IL32: variants seen among roughly 807,000 people sequenced by gnomAD.
The protein encoded by IL32 is interleukin 32.
Under a neutral mutation model 16.6 loss-of-function variants are expected in IL32, and 30 were observed. The observed-to-expected ratio is 1.81, with a 90% CI of 1.35 to 2.45. The LOEUF (loss-of-function observed/expected upper bound fraction) is 2.45. Among genes scored for constraint, IL32 ranks in the 30% most tolerant of loss-of-function variants. The probability of loss-of-function intolerance (pLI) is 0.00; values close to 1 mark genes in which losing one functional copy is unlikely to be tolerated. For missense variants in IL32, 234 were observed against 229.8 expected (o/e 1.02, Z -0.12); for synonymous variants, 70 against 86.1 (o/e 0.81, Z 1.03).
intron 6 of IL32, 185 bp downstream of exon 6, chr16:3,068,424 G>T (rs948109395): frequency 2.6e-5 from 16 of 609,820 alleles, no homozygotes; most frequent in Non-Finnish European, 4.3e-5. Flanking sequence ...TCCTGCCTCA[G>T]CCTGACAAGT....
At chr16:3,065,415 C>T (rs1218475488), upstream of IL32, 1 of 276,854 alleles carries the variant, frequency 3.6e-6, no homozygotes. Flanking sequence ...AGACTCCCAC[C>T]CCAGCTCAGA....
In IL32 at chr16:3,068,429, A is replaced by G. The variant is rs533742045; in HGVS notation, c.201+190A>G. On this transcript the variant is annotated intron_variant, in intron 6 of 6. Transcript: ENST00000525643. ...TAAGTGATTCTCCTGCCTCAGCCTG[A>G]CAAGTAGTTGGGACTACAGGCACCC... 2.7e-5 allele frequency: 16 copies of G among 601,884 alleles called. No individual in the cohort carries two copies. The East Asian group carries it at 4.6e-4, about 17-fold the overall frequency. 37.3% of individuals were successfully genotyped at this position (601,884 alleles called of 1,614,324 possible). A position where few individuals can be genotyped will look rare whatever the true frequency, so the allele number is the denominator to read the frequency against.
rs775458799 is a variant in IL32, at chr16:3,065,777, C to T, written c.-28-7C>T. ...TTCTTTTCCTCACACCTGTTCCTCG[C>T]CAGCAGGCCTTGGCTCCTTGAACTT... On this transcript the variant is annotated splice_region_variant and splice_polypyrimidine_tract_variant and intron_variant, in intron 1 of 6. Transcript: ENST00000525643. 1 of 1,614,048 alleles carries T rather than the reference C, an allele frequency of 6.2e-7. No homozygotes were observed. The highest frequency in any genetic ancestry group is 1.1e-5 in the South Asian group (1 of 91,082).
chr16:3,066,713 T>C (rs1956350167), intron 2 of IL32, among the ~76,000 whole-genome samples: 1 of 152,254 alleles, frequency 6.6e-6, no homozygotes, highest in Non-Finnish European at 1.5e-5. Flanking sequence ...GCACCCCAAA[T>C]ATTAATCAGC....
At position 3,066,143 on chromosome 16, in the gene IL32, G is replaced by C. The variant is rs565485104; in HGVS notation, c.15+317G>C. On this transcript the variant is annotated intron_variant, in intron 2 of 6. Transcript: ENST00000525643. ...TCGGAGAATGCTTCTCTCAGAGGCC[G>C]GCTCAGCTGGGTGGGCCCAAGAGCA... Among the ~76,000 whole-genome samples, 5 of 152,294 alleles carry C rather than the reference G, an allele frequency of 3.3e-5. No homozygotes were observed. The East Asian group carries it at 7.7e-4, about 24-fold the overall frequency.
chr16:3,066,020 C>T (rs531419740), intron 2 of IL32, among the ~76,000 whole-genome samples, 194 bp downstream of exon 2: 22 of 152,098 alleles, frequency 1.4e-4, no homozygotes, highest in Non-Finnish European at 2.4e-4. Context: ...CGCTGGAGAA[C>T]GGCAGGGGTG....
rs747430360 is a variant in IL32 at position 3,067,605 on chromosome 16, C to CGG, written c.107_108insGG (p.Gly37ValfsTer4). The CGG allele has an allele frequency of 1.2e-5, 20 of 1,611,228 alleles. No individual in the cohort carries two copies. The highest frequency in any genetic ancestry group is 1.7e-5 in the Non-Finnish European group (20 of 1,178,126). The stretch of plus-strand genomic sequence containing the variant: ...TAAAATGCAAAATGCAGAATCAGGA[C>CGG]GTGGACAGGTGGGTGGATTTCCCCT... On this transcript the variant is annotated frameshift_variant, in exon 4 of 7. Transcript: ENST00000525643. LOFTEE classifies it high-confidence loss of function.
intron 2 of IL32, among the ~76,000 whole-genome samples, chr16:3,066,978 G>C (rs568637184): frequency 5.1e-5 from 5 of 98,480 alleles, no homozygotes; most frequent in African/African-American, 7.6e-5. Flanking sequence ...CTCTTGTGAG[G>C]AGGGGTCACC....
At position 3,067,576 on chromosome 16, in the gene IL32, A is replaced by T; in HGVS notation, c.77A>T (p.Tyr26Phe). Reference protein sequence around the residue: ...ARMHQAIERFYDKMQNAESGR... With the variant: ...ARMHQAIERFFDKMQNAESGR... The stretch of plus-strand genomic sequence containing the variant: ...CAGCACCAGGCCATAGAAAGATTTT[A>T]TGATAAAATGCAAAATGCAGAATCA... Residue 26 changes from tyrosine (Y) to phenylalanine (F), a missense_variant, in exon 4 of 7, where the codon TAT (tyrosine) becomes TTT (phenylalanine). Physicochemically the swap from Tyr to Phe is conservative, Grantham distance 22. Transcript: ENST00000525643. The T allele has an allele frequency of 6.2e-7, 1 of 1,613,946 alleles. No homozygotes were observed. Among genetic ancestry groups the T allele is most frequent in the Non-Finnish European group, 8.5e-7 (1 of 1,179,950 alleles).
chr16:3,069,123 T>A lies in IL32; in HGVS notation c.335T>A (p.Phe112Tyr). ...TTTTGTGACAAGGTCATGAGATGGT[T>A]CCAGGCCATGCTGCAGCGGCTGCAG... ...ESFCDKVMRW[F>Y]QAMLQRLQTW... The change falls in exon 7 of 7, where the codon TTC (phenylalanine) becomes TAC (tyrosine). Residue 112 changes from phenylalanine to tyrosine, a missense_variant. Physicochemically the swap from Phe to Tyr is conservative, Grantham distance 22. This residue lies in a region of IL32 where 44 missense variants were observed against 103.1 expected (regional missense o/e 0.43). Coordinates refer to ENST00000525643, the MANE Select transcript of IL32 (RefSeq NM_001376923.1). 6.2e-7 allele frequency: 1 copy of A among 1,611,720 alleles called. No homozygotes were observed. Among genetic ancestry groups the A allele is most frequent in the Non-Finnish European group, 8.5e-7 (1 of 1,178,968 alleles).
chr16:3,066,631 A>G (rs1171760575), intron 2 of IL32, among the ~76,000 whole-genome samples: 1 of 151,868 alleles, frequency 6.6e-6, no homozygotes, highest in Non-Finnish European at 1.5e-5. Flanking sequence ...TGCAGGCAGG[A>G]ATGGCCCGGG....
At chr16:3,067,271 C>CTGTGTG (rs60859102) in intron 2 of IL32, 106 bp from the exon 3 acceptor site, 13,761 of 600,604 alleles carry the variant, frequency 0.023, 90 homozygotes, top group East Asian at 0.049. Flanking sequence ...CCATGTGTCT[C>CTGTGTG]TGTGTGTGTG....
At position 3,067,529 on chromosome 16, in the gene IL32, G is replaced by C. The variant is rs767093013; in HGVS notation, c.55-25G>C. 9 of 1,614,038 alleles carry C rather than the reference G, an allele frequency of 5.6e-6. No homozygotes were observed. The Admixed American group carries it at 8.3e-5, about 15-fold the overall frequency. On this transcript the variant is annotated intron_variant, in intron 3 of 6. Transcript: ENST00000525643. ...GGAGGGACAAGGATCCGGCCCTTTG[G>C]TGCCAACTCTGCCTCTCTTCACAGC...
In IL32 at chr16:3,065,794, C is replaced by G. The variant is rs1956244598; in HGVS notation, c.-18C>G. The G allele has an allele frequency of 1.2e-6, 2 of 1,614,032 alleles. No homozygotes were observed. Among genetic ancestry groups the G allele is most frequent in the African/African-American group, 2.7e-5 (2 of 74,916 alleles). Reference sequence around the variant, plus strand: ...GTTCCTCGCCAGCAGGCCTTGGCTCCTTGAACTTTTGGCCGCCATGTGCTT... The same window carrying G: ...GTTCCTCGCCAGCAGGCCTTGGCTCGTTGAACTTTTGGCCGCCATGTGCTT... On this transcript the variant is annotated 5_prime_UTR_variant, in exon 2 of 7. Coordinates refer to ENST00000525643, the MANE Select transcript of IL32 (RefSeq NM_001376923.1).
rs1182121521 is a variant in IL32 at position 3,069,193 on chromosome 16, G to A, written c.405G>A (p.Val135=). The A allele has an allele frequency of 1.2e-6, 2 of 1,614,146 alleles. No individual in the cohort carries two copies. The highest frequency in any genetic ancestry group is 1.7e-6 in the Non-Finnish European group (2 of 1,180,020). Residue 135 remains valine, a synonymous_variant, in exon 7 of 7, where the codon GTG becomes GTA. Transcript: ENST00000525643. ...TGGCCTGGGTGAAGGAGAAGGTGGTGGCCCTGGTCCATGCAGTGCAGGCCC... is the reference window on the plus strand; with the variant it reads ...TGGCCTGGGTGAAGGAGAAGGTGGTAGCCCTGGTCCATGCAGTGCAGGCCC... The part of the protein sequence containing the change: ...GVLAWVKEKV[V]ALVHAVQALW...
intron 2 of IL32, 29 bp from the exon 3 acceptor site, chr16:3,067,348 G>A: frequency 1.5e-6 from 2 of 1,363,654 alleles, no homozygotes; most frequent in Non-Finnish European, 2.0e-6. Flanking sequence ...GTGACACATG[G>A]AGACTGAGTG....
chr16:3,066,979 AG>A (rs1956393520), intron 2 of IL32, among the ~76,000 whole-genome samples: 1 of 93,698 alleles, frequency 1.1e-5, no homozygotes, highest in Non-Finnish European at 2.3e-5. Flanking sequence ...TCTTGTGAGG[AG>A]GGGTCACCTA....
In IL32 at chr16:3,065,786, C is replaced by G; in HGVS notation, c.-26C>G. Reference sequence around the variant, plus strand: ...TCACACCTGTTCCTCGCCAGCAGGCCTTGGCTCCTTGAACTTTTGGCCGCC... The same window carrying G: ...TCACACCTGTTCCTCGCCAGCAGGCGTTGGCTCCTTGAACTTTTGGCCGCC... On this transcript the variant is annotated splice_region_variant and 5_prime_UTR_variant, in exon 2 of 7. Transcript: ENST00000525643. 1 of 1,614,114 alleles carries G rather than the reference C, an allele frequency of 6.2e-7. No homozygotes were observed. Among genetic ancestry groups the G allele is most frequent in the Non-Finnish European group, 8.5e-7 (1 of 1,179,978 alleles).
chr16:3,065,489 T>C (rs1567136519), upstream of IL32: 1 of 479,284 alleles, frequency 2.1e-6, no homozygotes, highest in East Asian at 3.9e-5. Context: ...CCTCTGTCTC[T>C]CTCGGGTAAG....
Sources: allele counts gnomAD v4.1 joint callset (sites outside exome capture counted in the v4.1 genomes callset), GRCh38; gene constraint gnomAD v4.1.1; regional missense constraint gnomAD v4.1.1; transcripts MANE v1.5; gene names NCBI Gene and HGNC (gene_info 2026-07-23, HGNC 2026-07-21).